SOBP: variants seen among roughly 807,000 people sequenced by gnomAD.
SOBP encodes the protein sine oculis binding protein homolog.
A neutral mutation model predicts 53.6 loss-of-function variants in SOBP; 4 were observed. The observed-to-expected ratio is 0.07, with a 90% CI of 0.04 to 0.17. SOBP has a LOEUF of 0.17. SOBP is among the 10% of genes least tolerant of loss of function. The pLI is 1.00. For missense variants in SOBP, 1,088 were observed against 1,204.7 expected (o/e 0.90, Z 1.43); for synonymous variants, 584 against 522.6 (o/e 1.12, Z -1.60).
chr6:107,621,974 G>A (rs924853983), intron 5 of SOBP, among the ~76,000 whole-genome samples: 4 of 152,248 alleles, frequency 2.6e-5, no homozygotes, highest in African/African-American at 4.8e-5. Context: ...TTGTAGTAGG[G>A]TATTTTTCTC....
At chr6:107,546,000 G>A (rs1448284262) in intron 4 of SOBP, among the ~76,000 whole-genome samples, 1 of 152,170 alleles carries the variant, frequency 6.6e-6, no homozygotes, top group Non-Finnish European at 1.5e-5. Flanking sequence ...TAAAGCTGGC[G>A]TGATTAAGCA....
intron 3 of SOBP, among the ~76,000 whole-genome samples, chr6:107,528,493 G>GT (rs1168937590): frequency 6.6e-6 from 1 of 152,204 alleles, no homozygotes; most frequent in Non-Finnish European, 1.5e-5. Context: ...ATCATTTAAT[G>GT]TTTAAGTAGC....
chr6:107,524,450 A>G (rs1257733941), intron 3 of SOBP, among the ~76,000 whole-genome samples: 2 of 152,202 alleles, frequency 1.3e-5, no homozygotes, highest in African/African-American at 2.4e-5. Flanking sequence ...CATCTTGTCT[A>G]TGGCAGCCAG....
Position 107,490,501 on chromosome 6 carries a change from C to A in SOBP, c.-116C>A. 3 of 751,598 alleles carry A rather than the reference C, an allele frequency of 4.0e-6. No individual in the cohort carries two copies. The highest frequency in any genetic ancestry group is 2.3e-6 in the Non-Finnish European group (1 of 434,376). The allele number at this position is 751,598 out of a possible 1,614,324, so 46.6% of individuals were successfully genotyped here. On this transcript the variant is annotated 5_prime_UTR_variant, in exon 1 of 7. Transcript: ENST00000317357. ...GCTCGGTCCGGCCCCGCCAGCACCG[C>A]TACCTCCGCCAGCCTCGCCACCATC...
chr6:107,490,185 C>G lies in SOBP; in HGVS notation c.-432C>G, dbSNP rs994840542. The G allele has an allele frequency of 6.7e-6, 1 of 149,288 alleles. No individual in the cohort carries two copies. Among genetic ancestry groups the G allele is most frequent in the African/African-American group, 2.4e-5 (1 of 41,044 alleles). The allele number at this position is 149,288 out of a possible 1,614,324, so 9.2% of individuals were successfully genotyped here. ...CGCTCTCCGCGCCGGCCCTTGCTCC[C>G]CGCGCCCATGCGGACGGACCGAGCG... is the stretch of plus-strand genomic sequence containing the variant. On this transcript the variant is annotated 5_prime_UTR_variant, in exon 1 of 7. Transcript: ENST00000317357.
chr6:107,529,348 C>A, intron 3 of SOBP: 1 of 576,044 alleles, frequency 1.7e-6, no homozygotes, highest in Non-Finnish European at 2.2e-6. Flanking sequence ...TGGGCCATTT[C>A]ATGTCATTTC....
At chr6:107,573,669 C>T (rs77927996) in intron 4 of SOBP, among the ~76,000 whole-genome samples, 504 of 152,280 alleles carry the variant, frequency 3.3e-3, no homozygotes, top group African/African-American at 0.012. Flanking sequence ...GGTGCTCAGC[C>T]CTTAAGAATT....
intron 4 of SOBP, among the ~76,000 whole-genome samples, chr6:107,577,856 G>A (rs544570112): frequency 5.9e-5 from 9 of 152,156 alleles, no homozygotes; most frequent in East Asian, 5.8e-4. Flanking sequence ...GGTGGATCAC[G>A]AAGTCAGGAG....
rs1772194523 is a variant in SOBP, at chr6:107,659,207, T to C, written c.*1004T>C. ...ATATGCAGAGCCCTTTCATGATAAT[T>C]AGAATGGTATGGACAAACCAATGAA... On this transcript the variant is annotated 3_prime_UTR_variant, in exon 7 of 7. Transcript: ENST00000317357. 1 of 152,622 alleles carries C rather than the reference T, an allele frequency of 6.6e-6. No individual in the cohort carries two copies. Among genetic ancestry groups the C allele is most frequent in the Non-Finnish European group, 1.5e-5 (1 of 68,040 alleles). The allele number at this position is 152,622 out of a possible 1,614,324, so 9.5% of individuals were successfully genotyped here. A position where few individuals can be genotyped will look rare whatever the true frequency, so the allele number is the denominator to read the frequency against.
chr6:107,492,050 T>C (rs1475037453), intron 1 of SOBP, among the ~76,000 whole-genome samples: 1 of 152,174 alleles, frequency 6.6e-6, no homozygotes, highest in Middle Eastern at 3.2e-3. Flanking sequence ...GATAAGGAAC[T>C]TAGTACCTGG....
intron 4 of SOBP, among the ~76,000 whole-genome samples, chr6:107,563,209 A>G (rs374991103): frequency 6.6e-6 from 1 of 152,130 alleles, no homozygotes. Context: ...GTGTGCCATT[A>G]TTACACCAGT....
intron 1 of SOBP, among the ~76,000 whole-genome samples, chr6:107,493,757 G>C (rs1396596032): frequency 6.6e-6 from 1 of 152,220 alleles, no homozygotes; most frequent in Non-Finnish European, 1.5e-5. Context: ...TCCTAATTGA[G>C]ATAGTCACAT....
chr6:107,613,266 A>G (rs569910438), intron 5 of SOBP, among the ~76,000 whole-genome samples: 1 of 152,332 alleles, frequency 6.6e-6, no homozygotes, highest in African/African-American at 2.4e-5. Flanking sequence ...TTCTGCTGCC[A>G]AGATCAACAT....
intron 4 of SOBP, among the ~76,000 whole-genome samples, chr6:107,586,704 A>G (rs1395882505): frequency 2.0e-5 from 3 of 152,200 alleles, no homozygotes; most frequent in Non-Finnish European, 4.4e-5. Context: ...AAAGTGCATT[A>G]TCTAGAGATT....
At chr6:107,516,014 A>C (rs1395691744) in intron 3 of SOBP, among the ~76,000 whole-genome samples, 2 of 152,210 alleles carry the variant, frequency 1.3e-5, no homozygotes, top group African/African-American at 4.8e-5. Flanking sequence ...AAAATTTAGC[A>C]CTATAAATGA....
intron 1 of SOBP, 117 bp from the exon 2 acceptor site, chr6:107,503,540 G>A: frequency 9.1e-7 from 1 of 1,094,668 alleles, no homozygotes; most frequent in African/African-American, 1.5e-5. Context: ...ACCACACTAG[G>A]GGAAGTGAGG....
chr6:107,558,696 A>G (rs1049262244), intron 4 of SOBP, among the ~76,000 whole-genome samples: 1 of 151,064 alleles, frequency 6.6e-6, no homozygotes, highest in East Asian at 1.9e-4. Context: ...TATTTTATAT[A>G]TGAAATATAA....
At chr6:107,627,287 G>T (rs1174527191) in intron 5 of SOBP, among the ~76,000 whole-genome samples, 1 of 152,156 alleles carries the variant, frequency 6.6e-6, no homozygotes, top group Non-Finnish European at 1.5e-5. Flanking sequence ...TCCATCTCTT[G>T]CATTGGCTGT....
intron 4 of SOBP, among the ~76,000 whole-genome samples, chr6:107,542,926 A>T (rs1262946498): frequency 1.3e-5 from 2 of 152,110 alleles, no homozygotes; most frequent in African/African-American, 4.8e-5. Context: ...TACAGAATCT[A>T]ACTCTTGCTC....
Sources: gnomAD v4.1 joint callset for allele counts (sites outside exome capture counted in the v4.1 genomes callset) on GRCh38, gnomAD v4.1.1 for gene constraint, MANE v1.5 for transcripts, NCBI Gene and HGNC (gene_info 2026-07-23, HGNC 2026-07-21) for gene names.